ERI3: variants seen among roughly 807,000 people sequenced by gnomAD.
ERI3 encodes ERI1 exoribonuclease family member 3, also known as ERI1 exoribonuclease 3.
In ERI3, 18 loss-of-function variants were observed where a neutral mutation model predicts 44.4. That is an observed-to-expected ratio of 0.41 (90% CI 0.28 to 0.60). The LOEUF is 0.60. Ranked by LOEUF, ERI3 falls within the 20% of genes least tolerant of loss-of-function variation. The probability of loss-of-function intolerance (pLI) is 0.36; values close to 1 mark genes in which losing one functional copy is unlikely to be tolerated. For synonymous variants in ERI3, 183 were observed against 164.8 expected (o/e 1.11, Z -0.84); for missense variants, 294 against 435.5 (o/e 0.68, Z 2.89).
intron 5 of ERI3, among the ~76,000 whole-genome samples, chr1:44,312,631 G>C (rs1645997123): frequency 1.3e-5 from 2 of 152,250 alleles, no homozygotes; most frequent in Non-Finnish European, 2.9e-5. Context: ...ACCCAGTGCA[G>C]CCTCTGCACC....
chr1:44,264,673 T>C (rs767439701), intron 7 of ERI3, among the ~76,000 whole-genome samples: 4 of 151,832 alleles, frequency 2.6e-5, no homozygotes, highest in Non-Finnish European at 5.9e-5. Flanking sequence ...CTTCAAGGAG[T>C]GGTGGCAGTA....
chr1:44,255,681 C>T (rs1644766334), intron 7 of ERI3, among the ~76,000 whole-genome samples: 1 of 152,164 alleles, frequency 6.6e-6, no homozygotes, highest in Non-Finnish European at 1.5e-5. Context: ...GTTTAAAGCT[C>T]ATTTCAACAT....
intron 7 of ERI3, among the ~76,000 whole-genome samples, chr1:44,277,306 T>TC (rs1645199519): frequency 6.6e-6 from 1 of 152,124 alleles, no homozygotes; most frequent in South Asian, 2.1e-4. Context: ...CTCAGAGGCC[T>TC]CCCTTACTGG....
Position 44,355,183 on chromosome 1 carries a change from G to C in ERI3, c.-157C>G. The stretch of plus-strand genomic sequence containing the variant: ...GCCAGGCAGAGGCAGGGCCAGCTCC[G>C]CCCGCTCCCCACCGCCCGTTCCCGG... On this transcript the variant is annotated 5_prime_UTR_variant, in exon 1 of 9. Coordinates refer to ENST00000372257, the MANE Select transcript of ERI3 (RefSeq NM_024066.3). 3 of 1,198,310 alleles carry C rather than the reference G, an allele frequency of 2.5e-6. No individual in the cohort carries two copies. Among genetic ancestry groups the C allele is most frequent in the Non-Finnish European group, 3.1e-6 (3 of 966,082 alleles). 74.2% of individuals were successfully genotyped at this position (1,198,310 alleles called of 1,614,324 possible).
rs573474288 is a variant in ERI3, at chr1:44,241,166, T to C, written c.931+6773A>G. 6.6e-6 allele frequency among the ~76,000 whole-genome samples: 1 copy of C among 152,280 alleles called. No individual in the cohort carries two copies. The highest frequency in any genetic ancestry group is 2.1e-4 in the South Asian group (1 of 4,828). ...GGCTGGCCTGGTCTGGGCCCTGACATTGTCTCTCACCTTAAACCAGTGGTA... is the reference window on the plus strand; with the variant it reads ...GGCTGGCCTGGTCTGGGCCCTGACACTGTCTCTCACCTTAAACCAGTGGTA... On this transcript the variant is annotated intron_variant, in intron 8 of 8. Coordinates refer to ENST00000372257, the MANE Select transcript of ERI3 (RefSeq NM_024066.3). This position sits in a 1 kb window ranked among gnomAD's most constrained non-coding sequence, Gnocchi z 5.6.
At chr1:44,324,481 T>TC (rs1437708596) in intron 3 of ERI3, among the ~76,000 whole-genome samples, 1 of 143,476 alleles carries the variant, frequency 7.0e-6, no homozygotes, top group African/African-American at 2.6e-5. Context: ...AGACTCTTTT[T>TC]TTTTTTTTTT....
intron 7 of ERI3, among the ~76,000 whole-genome samples, chr1:44,277,383 C>A (rs1182301091): frequency 2.0e-5 from 3 of 152,194 alleles, no homozygotes; most frequent in African/African-American, 7.2e-5. Context: ...AAAACACATG[C>A]CTTCTACCTT....
intron 8 of ERI3, among the ~76,000 whole-genome samples, chr1:44,232,524 C>CA (rs1644209412): frequency 6.6e-6 from 1 of 151,496 alleles, no homozygotes; most frequent in Non-Finnish European, 1.5e-5. Flanking sequence ...ACAAAATCAT[C>CA]AGACTATTCA....
chr1:44,329,574 C>G (rs1646386649), intron 3 of ERI3, among the ~76,000 whole-genome samples: 1 of 152,192 alleles, frequency 6.6e-6, no homozygotes, highest in East Asian at 1.9e-4. Flanking sequence ...ACAATGCAAT[C>G]TCAAATCATG....
Position 44,298,597 on chromosome 1 carries a change from C to A in ERI3, c.758+9713G>T, listed in dbSNP as rs116498344. ...TGATACATACAATGCACAGGAATCT[C>A]CTATACATTATGTTATGCAAAAGAA... On this transcript the variant is annotated intron_variant, in intron 6 of 8. Coordinates refer to ENST00000372257, the MANE Select transcript of ERI3 (RefSeq NM_024066.3). 6.0e-3 allele frequency among the ~76,000 whole-genome samples: 912 copies of A among 152,312 alleles called. 7 individuals carry two copies. The highest frequency in any genetic ancestry group is 0.021 in the African/African-American group (867 of 41,552).
At position 44,312,825 on chromosome 1, in the gene ERI3, T is replaced by C. The variant is rs376695048; in HGVS notation, c.666+344A>G. ...CAAAAACACCTCCAGTCCCTGGGGC[T>C]AGTCCCACAGTACCAAGCTCAGCTC... On this transcript the variant is annotated intron_variant, in intron 5 of 8. Coordinates refer to ENST00000372257, the MANE Select transcript of ERI3 (RefSeq NM_024066.3). 5.3e-5 allele frequency among the ~76,000 whole-genome samples: 8 copies of C among 152,326 alleles called. No homozygotes were observed. In the South Asian group the frequency reaches 1.4e-3, roughly 28 times the overall value.
At chr1:44,272,606 T>C (rs893639275) in intron 7 of ERI3, among the ~76,000 whole-genome samples, 3 of 151,790 alleles carry the variant, frequency 2.0e-5, no homozygotes, top group African/African-American at 7.3e-5. Context: ...CTTTGGGAGG[T>C]TGAGGCGGGT....
Position 44,339,151 on chromosome 1 carries a change from A to C in ERI3, c.383T>G (p.Phe128Cys), listed in dbSNP as rs1460867530. Residue 128 changes from phenylalanine (F) to cysteine (C), a missense_variant, in exon 3 of 9, where the codon TTT (phenylalanine) becomes TGT (cysteine). Coordinates refer to ENST00000372257, the MANE Select transcript of ERI3 (RefSeq NM_024066.3). ...ISTRKLAAHG[F>C]GASMAAMVSF... ...CACCATTGCCGCCATGGATGCGCCA[A>C]AGCCGTGGGCCGCCAGCTTTCTGGT... 6.2e-7 allele frequency: 1 copy of C among 1,614,054 alleles called. No homozygotes were observed. Among genetic ancestry groups the C allele is most frequent in the African/African-American group, 1.3e-5 (1 of 74,988 alleles).
intron 6 of ERI3, among the ~76,000 whole-genome samples, chr1:44,296,456 T>C (rs1015302166): frequency 1.3e-5 from 2 of 152,110 alleles, no homozygotes; most frequent in Non-Finnish European, 2.9e-5. Context: ...GTCAGAGCAA[T>C]CACTCTGCTA....
intron 2 of ERI3, among the ~76,000 whole-genome samples, chr1:44,342,100 C>T (rs950874696): frequency 5.3e-5 from 8 of 152,082 alleles, no homozygotes; most frequent in Non-Finnish European, 8.8e-5. Flanking sequence ...CCATTAGGTG[C>T]AGCAGAAGAG....
At chr1:44,345,780 A>C (rs975887113) in intron 2 of ERI3, among the ~76,000 whole-genome samples, 1 of 152,244 alleles carries the variant, frequency 6.6e-6, no homozygotes, top group African/African-American at 2.4e-5. Flanking sequence ...GTCAAAGGTG[A>C]AAGAAAACCT....
At chr1:44,351,251 C>G (rs1458380857) in intron 2 of ERI3, among the ~76,000 whole-genome samples, 1 of 152,104 alleles carries the variant, frequency 6.6e-6, no homozygotes, top group African/African-American at 2.4e-5. Flanking sequence ...CCAGGCTGGT[C>G]TCAAACTCCT....
intron 6 of ERI3, among the ~76,000 whole-genome samples, chr1:44,295,260 C>A (rs1414953188): frequency 6.6e-6 from 1 of 152,050 alleles, no homozygotes; most frequent in Non-Finnish European, 1.5e-5. Flanking sequence ...TCACATTGGG[C>A]TTTAAAATTC....
chr1:44,351,245 G>A (rs1409285373), intron 2 of ERI3, among the ~76,000 whole-genome samples: 1 of 152,034 alleles, frequency 6.6e-6, no homozygotes, highest in African/African-American at 2.4e-5. Flanking sequence ...TGTTGGCCAG[G>A]CTGGTCTCAA....
Sources: allele counts gnomAD v4.1 joint callset (sites outside exome capture counted in the v4.1 genomes callset), GRCh38; gene constraint gnomAD v4.1.1; non-coding constraint Gnocchi (gnomAD v3.1); transcripts MANE v1.5; gene names NCBI Gene and HGNC (gene_info 2026-07-23, HGNC 2026-07-21).